GRM5: variants seen among roughly 807,000 people sequenced by gnomAD.
GRM5 encodes the protein metabotropic glutamate receptor 5.
In GRM5, 19 loss-of-function variants were observed where a neutral mutation model predicts 83.1. The observed-to-expected ratio is 0.23, with a 90% CI of 0.16 to 0.34. The LOEUF is 0.34. Ranked by LOEUF, GRM5 falls within the 10% of genes least tolerant of loss-of-function variation. The probability of loss-of-function intolerance (pLI) is 1.00; values close to 1 mark genes in which losing one functional copy is unlikely to be tolerated. For synonymous variants in GRM5, 675 were observed against 633.6 expected (o/e 1.07, Z -0.98); for missense variants, 1,160 against 1,588.3 (o/e 0.73, Z 4.58).
At chr11:88,545,354 C>G (rs1237090119) in intron 8 of GRM5, among the ~76,000 whole-genome samples, 1 of 151,938 alleles carries the variant, frequency 6.6e-6, no homozygotes, top group Admixed American at 6.6e-5. Flanking sequence ...TTAATAGTTC[C>G]AAAAACAAAC....
At chr11:88,639,411 A>AT (rs374487872) in intron 4 of GRM5, among the ~76,000 whole-genome samples, 28 of 152,184 alleles carry the variant, frequency 1.8e-4, no homozygotes, top group African/African-American at 6.7e-4. Flanking sequence ...CTTGAGAATA[A>AT]TGTCTTCATT....
intron 8 of GRM5, among the ~76,000 whole-genome samples, chr11:88,535,587 T>G (rs1207901296): frequency 6.6e-6 from 1 of 152,214 alleles, no homozygotes; most frequent in Admixed American, 6.5e-5. Context: ...TGAGATTAAT[T>G]TGTTATCATT....
chr11:88,687,019 C>CATTT (rs1940643837), intron 3 of GRM5, among the ~76,000 whole-genome samples: 1 of 152,050 alleles, frequency 6.6e-6, no homozygotes, highest in South Asian at 2.1e-4. Context: ...CTTTCCCAAG[C>CATTT]CCTGACTACT....
At chr11:88,690,207 T>C (rs529523902) in intron 3 of GRM5, among the ~76,000 whole-genome samples, 166 of 150,514 alleles carry the variant, frequency 1.1e-3, no homozygotes, top group African/African-American at 3.7e-3. Flanking sequence ...ATTTTCTGCT[T>C]TATGATTAAA....
chr11:88,865,774 A>C (rs185678002), intron 2 of GRM5, among the ~76,000 whole-genome samples: 107 of 152,298 alleles, frequency 7.0e-4, no homozygotes, highest in Middle Eastern at 3.4e-3. Flanking sequence ...TCGCAAAAGA[A>C]GACATTTATG....
At chr11:88,918,482 C>T (rs2135623591) in intron 2 of GRM5, among the ~76,000 whole-genome samples, 1 of 151,378 alleles carries the variant, frequency 6.6e-6, no homozygotes, top group East Asian at 1.9e-4. Flanking sequence ...TCATCCATAC[C>T]AGATCTTTCC....
At chr11:88,744,669 C>T (rs1320375855) in intron 3 of GRM5, among the ~76,000 whole-genome samples, 1 of 152,092 alleles carries the variant, frequency 6.6e-6, no homozygotes, top group Non-Finnish European at 1.5e-5. Context: ...TCCTACTGCA[C>T]CATGATGCCT....
intron 8 of GRM5, among the ~76,000 whole-genome samples, chr11:88,552,381 C>G (rs903824985): frequency 2.0e-5 from 3 of 152,048 alleles, no homozygotes; most frequent in Admixed American, 6.6e-5. Flanking sequence ...ATCAGCAAAC[C>G]AAGAGATGAA....
At chr11:88,831,625 C>T (rs1943996236) in intron 3 of GRM5, among the ~76,000 whole-genome samples, 2 of 152,182 alleles carry the variant, frequency 1.3e-5, no homozygotes, top group Admixed American at 6.5e-5. Flanking sequence ...AATCGCTCTG[C>T]CCCATCCACC....
chr11:89,024,467 G>C (rs1163931352), intron 2 of GRM5, among the ~76,000 whole-genome samples: 1 of 152,110 alleles, frequency 6.6e-6, no homozygotes, highest in Non-Finnish European at 1.5e-5. Flanking sequence ...TAATGAAGAA[G>C]TTTATTTTGG....
chr11:88,701,649 TACAG>T (rs1285663308), intron 3 of GRM5, among the ~76,000 whole-genome samples: 1 of 152,150 alleles, frequency 6.6e-6, no homozygotes, highest in East Asian at 1.9e-4. Flanking sequence ...AAGTAGAAGT[TACAG>T]ACAAAGTCAT....
intron 1 of GRM5, among the ~76,000 whole-genome samples, chr11:89,052,325 A>C (rs945195283): frequency 6.6e-6 from 1 of 152,172 alleles, no homozygotes; most frequent in African/African-American, 2.4e-5. Flanking sequence ...GCTAAAAAAT[A>C]AGCTCTGCTG....
chr11:88,626,438 T>G (rs6483302), intron 4 of GRM5, among the ~76,000 whole-genome samples: 4 of 152,216 alleles, frequency 2.6e-5, no homozygotes, highest in East Asian at 3.9e-4. Flanking sequence ...TTCTGACTTG[T>G]GTTTATTTGA....
chr11:88,811,094 CT>C (rs963800247), intron 3 of GRM5, among the ~76,000 whole-genome samples: 1 of 151,404 alleles, frequency 6.6e-6, no homozygotes, highest in Non-Finnish European at 1.5e-5. Flanking sequence ...CTAGAAACAC[CT>C]TTTTTTGTTT....
chr11:88,900,109 A>G (rs1009185366), intron 2 of GRM5, among the ~76,000 whole-genome samples: 1 of 152,192 alleles, frequency 6.6e-6, no homozygotes, highest in Non-Finnish European at 1.5e-5. Flanking sequence ...GGCATAAAAA[A>G]TGAAGCAGAG....
At position 88,564,037 on chromosome 11, in the gene GRM5, T is replaced by G. The variant is rs566587486; in HGVS notation, c.2630+3016A>C. Among the ~76,000 whole-genome samples, 19 of 152,318 alleles carry G rather than the reference T, an allele frequency of 1.2e-4. No individual in the cohort carries two copies. In the East Asian group the frequency reaches 3.7e-3, roughly 29 times the overall value. On this transcript the variant is annotated intron_variant, in intron 8 of 9. Coordinates refer to ENST00000305447, the MANE Select transcript of GRM5 (RefSeq NM_001143831.3). ...AAGGAGAGCAGATATCAGATGCATG[T>G]GATACAAAAGAATTATAGCTTTCCC...
chr11:88,770,368 T>C (rs765652814), intron 3 of GRM5, among the ~76,000 whole-genome samples: 10 of 152,144 alleles, frequency 6.6e-5, no homozygotes, highest in Non-Finnish European at 1.2e-4. Context: ...TGATATTGTT[T>C]CATTAATTTT....
intron 3 of GRM5, among the ~76,000 whole-genome samples, chr11:88,771,046 T>C (rs1448832275): frequency 6.6e-6 from 1 of 152,072 alleles, no homozygotes; most frequent in East Asian, 1.9e-4. Context: ...TAATACTTGA[T>C]AAAATCAGAA....
intron 3 of GRM5, among the ~76,000 whole-genome samples, chr11:88,657,497 T>C (rs1939792070): frequency 6.6e-6 from 1 of 152,182 alleles, no homozygotes; most frequent in African/African-American, 2.4e-5. Flanking sequence ...CTTAGATCCT[T>C]TAAATATTCC....
Sources: gnomAD v4.1 joint callset for allele counts (sites outside exome capture counted in the v4.1 genomes callset) on GRCh38, gnomAD v4.1.1 for gene constraint, MANE v1.5 for transcripts, NCBI Gene and HGNC (gene_info 2026-07-23, HGNC 2026-07-21) for gene names.